The following GATD1 variants were observed in gnomAD, a reference collection of about 807,000 sequenced individuals.
GATD1 encodes glutamine amidotransferase-like class 1 domain-containing protein 1.
GATD1 carries 23 observed loss-of-function variants against 25.9 expected under a neutral mutation model. The ratio of observed to expected loss-of-function variants is 0.89; its 90% CI spans 0.64 to 1.26. The LOEUF (loss-of-function observed/expected upper bound fraction) is 1.26, where lower values mean the gene tolerates loss of function less well. Ranked by LOEUF, GATD1 falls within the 50% of genes most tolerant of loss-of-function variation. GATD1 has a pLI of 0.00. For missense variants in GATD1, 347 were observed against 312.5 expected (o/e 1.11, Z -0.83); for synonymous variants, 177 against 134.6 (o/e 1.31, Z -2.18).
chr11:767,376 G>T lies in GATD1; in HGVS notation c.*3521C>A. 6.5e-7 allele frequency: 1 copy of T among 1,535,704 alleles called. No homozygotes were observed. The highest frequency in any genetic ancestry group is 8.7e-7 in the Non-Finnish European group (1 of 1,146,656). The stretch of plus-strand genomic sequence containing the variant: ...CTGGTGCTGCCCCAAGCCCTGCCCT[G>T]GCAAAGAGAGAACTGTGCACAGCGG... On this transcript the variant is annotated 3_prime_UTR_variant, in exon 8 of 8. Coordinates refer to ENST00000319863, the MANE Select transcript of GATD1 (RefSeq NM_182612.4).
In GATD1 at chr11:771,024, C is replaced by A. The variant is rs376354172; in HGVS notation, c.625G>T (p.Val209Leu). 1 of 1,613,194 alleles carries A rather than the reference C, an allele frequency of 6.2e-7. No homozygotes were observed. Among genetic ancestry groups the A allele is most frequent in the Non-Finnish European group, 8.5e-7 (1 of 1,179,962 alleles). ...GQNASSTVPA[V>L]QNLLFLCGSR... is the part of the protein sequence containing the mutation. ...CCACAGAGGAAGAGCAGGTTCTGCA[C>A]GGCCGGGACAGTGGAGCTGGCATTC... Residue 209 changes from valine to leucine, a missense_variant, in exon 7 of 8, where the codon GTG (valine) becomes TTG (leucine). Coordinates refer to ENST00000319863, the MANE Select transcript of GATD1 (RefSeq NM_182612.4).
intron 4 of GATD1, 24 bp downstream of exon 4, chr11:773,498 C>T: frequency 1.3e-6 from 2 of 1,587,482 alleles, no homozygotes. Context: ...CCAACCCCTC[C>T]CCTGGGTCCC....
In GATD1 at chr11:769,371, A is replaced by G; in HGVS notation, c.*1526T>C. ...GAGTTTCACTCATTGCCCAGGTTGG[A>G]GTGCAATGGCGCAATCTTGGCTCAC... On this transcript the variant is annotated 3_prime_UTR_variant, in exon 8 of 8. Transcript: ENST00000319863. 2 of 885,234 alleles carry G rather than the reference A, an allele frequency of 2.3e-6. No individual in the cohort carries two copies. Among genetic ancestry groups the G allele is most frequent in the Non-Finnish European group, 2.7e-6 (2 of 738,770 alleles). The allele number at this position is 885,234 out of a possible 1,614,324, so 54.8% of individuals were successfully genotyped here.
At position 775,112 on chromosome 11, in the gene GATD1, A is replaced by C; in HGVS notation, c.95T>G (p.Phe32Cys). Residue 32 changes from phenylalanine to cysteine, a missense_variant, in exon 2 of 8, where the codon TTC becomes TGC. Phe to Cys is a radical substitution (Grantham distance 205). Transcript: ENST00000319863. ...GTTGAAGGCGGTGCTGGCCATCGTG[A>C]AACAGTGGAGGAAGGACTGGGCCGA... ...GVSAQSFLHC[F>C]TMASTAFNLQ... 2 of 1,606,088 alleles carry C rather than the reference A, an allele frequency of 1.2e-6. No homozygotes were observed. The highest frequency in any genetic ancestry group is 1.7e-6 in the Non-Finnish European group (2 of 1,177,358).
rs1590085344 is a variant in GATD1 at position 771,429 on chromosome 11, G to A, written c.451-3C>T. On this transcript the variant is annotated splice_region_variant and splice_polypyrimidine_tract_variant and intron_variant, in intron 5 of 7. Coordinates refer to ENST00000319863, the MANE Select transcript of GATD1 (RefSeq NM_182612.4). ...CTGACGAGCTCACACACAGAGGGCT[G>A]CGGGAGCGGGGTGGGGGCTCCTGAG... 2.0e-6 allele frequency: 3 copies of A among 1,525,566 alleles called. No individual in the cohort carries two copies. Among genetic ancestry groups the A allele is most frequent in the Non-Finnish European group, 2.6e-6 (3 of 1,140,634 alleles). 94.5% of individuals were successfully genotyped at this position (1,525,566 alleles called of 1,614,324 possible). A position where few individuals can be genotyped will look rare whatever the true frequency, so the allele number is the denominator to read the frequency against.
intron 6 of GATD1, 24 bp downstream of exon 6, chr11:771,309 G>A (rs752244329): frequency 5.6e-6 from 9 of 1,604,564 alleles, no homozygotes; most frequent in Non-Finnish European, 7.7e-6. Flanking sequence ...TTCTGTAAGT[G>A]CAGGGGGCAC....
chr11:772,027 G>A (rs1258193175), intron 5 of GATD1, among the ~76,000 whole-genome samples: 1 of 152,154 alleles, frequency 6.6e-6, no homozygotes, highest in Non-Finnish European at 1.5e-5. Flanking sequence ...ACAGCCTTTG[G>A]GCCTCAGATT....
At chr11:775,874 G>A (rs923033510) in intron 1 of GATD1, among the ~76,000 whole-genome samples, 3 of 152,094 alleles carry the variant, frequency 2.0e-5, no homozygotes, top group Middle Eastern at 3.4e-3. Flanking sequence ...CCTGCCTGCC[G>A]GAGAGCACTT....
rs900542161 is a variant in GATD1 at position 770,222 on chromosome 11, A to T, written c.*675T>A. 4.3e-6 allele frequency: 6 copies of T among 1,381,550 alleles called. No individual in the cohort carries two copies. The African/African-American group carries it at 7.3e-5, about 17-fold the overall frequency. 85.6% of individuals were successfully genotyped at this position (1,381,550 alleles called of 1,614,324 possible). On this transcript the variant is annotated 3_prime_UTR_variant, in exon 8 of 8. Coordinates refer to ENST00000319863, the MANE Select transcript of GATD1 (RefSeq NM_182612.4). ...ACTGTGCAAGGCCGTGGGGGACAGC[A>T]CTTTCCTATCATTGAGAATCTCATG...
chr11:770,410 C>A lies in GATD1; in HGVS notation c.*487G>T, dbSNP rs1454642018. 1 of 1,520,494 alleles carries A rather than the reference C, an allele frequency of 6.6e-7. No homozygotes were observed. Among genetic ancestry groups the A allele is most frequent in the African/African-American group, 1.4e-5 (1 of 72,428 alleles). The allele number at this position is 1,520,494 out of a possible 1,614,324, so 94.2% of individuals were successfully genotyped here. A position where few individuals can be genotyped will look rare whatever the true frequency, so the allele number is the denominator to read the frequency against. ...GGAGGCTGCTGCTCCTAAAAAATTC[C>A]GTTCACCTTTGGCCAAAGTTCTGAG... On this transcript the variant is annotated 3_prime_UTR_variant, in exon 8 of 8. Coordinates refer to ENST00000319863, the MANE Select transcript of GATD1 (RefSeq NM_182612.4).
rs150842089 is a variant in GATD1, at chr11:771,097, C to A, written c.552G>T (p.Glu184Asp). Residue 184 changes from glutamate (E) to aspartate (D), a missense_variant, in exon 7 of 8, where the codon GAG (glutamate) becomes GAT (aspartate). By Grantham distance (45) the Glu-to-Asp change is conservative. Coordinates refer to ENST00000319863, the MANE Select transcript of GATD1 (RefSeq NM_182612.4). ...CCAGCACGACGTGGACAGCGTCAGG[C>A]TCGCTTGCTGGGGAGGACCGAGGGC... ...KDSGACFSAS[E>D]PDAVHVVLDR... The A allele has an allele frequency of 6.3e-7, 1 of 1,599,168 alleles. No individual in the cohort carries two copies. The highest frequency in any genetic ancestry group is 1.1e-5 in the South Asian group (1 of 89,668).
At chr11:776,057 A>T (rs1400336082) in intron 1 of GATD1, among the ~76,000 whole-genome samples, 1 of 126,214 alleles carries the variant, frequency 7.9e-6, no homozygotes, top group Non-Finnish European at 1.6e-5. Flanking sequence ...ATCTCGGCTC[A>T]CTGCAACCTC....
Position 770,387 on chromosome 11 carries a change from A to T in GATD1, c.*510T>A. 1 of 1,529,324 alleles carries T rather than the reference A, an allele frequency of 6.5e-7. No individual in the cohort carries two copies. The highest frequency in any genetic ancestry group is 1.4e-5 in the African/African-American group (1 of 72,744). 94.7% of individuals were successfully genotyped at this position (1,529,324 alleles called of 1,614,324 possible). A position where few individuals can be genotyped will look rare whatever the true frequency, so the allele number is the denominator to read the frequency against. On this transcript the variant is annotated 3_prime_UTR_variant, in exon 8 of 8. Coordinates refer to ENST00000319863, the MANE Select transcript of GATD1 (RefSeq NM_182612.4). ...CAGTGCCGGTCGGCCTTGGGGCAGG[A>T]GGCTGCTGCTCCTAAAAAATTCCGT... is the stretch of plus-strand genomic sequence containing the variant.
intron 1 of GATD1, chr11:776,861 C>T (rs1864038363): frequency 6.6e-6 from 1 of 152,348 alleles, no homozygotes; most frequent in Non-Finnish European, 1.5e-5. Flanking sequence ...CCAGTACTGC[C>T]CTGGTACCCT....
In GATD1 at chr11:774,010, T is replaced by A. The variant is rs372519182; in HGVS notation, c.245A>T (p.Asp82Val). 1.6e-4 allele frequency: 257 copies of A among 1,613,368 alleles called. No individual in the cohort carries two copies. Among genetic ancestry groups the A allele is most frequent in the Non-Finnish European group, 1.9e-4 (230 of 1,179,942 alleles). ...YASPAKLESI[D>V]GARYHALLIP... ...CAAGGAGTGGGTCCCGGGCCTACCA[T>A]CGATGGACTCGAGCTTGGCGGGGCT... Residue 82 changes from aspartate to valine, a missense_variant and splice_region_variant, in exon 3 of 8, where the codon GAT becomes GTT. Transcript: ENST00000319863.
In GATD1 at chr11:767,450, G is replaced by A. The variant is rs1456374850; in HGVS notation, c.*3447C>T. On this transcript the variant is annotated 3_prime_UTR_variant, in exon 8 of 8. Coordinates refer to ENST00000319863, the MANE Select transcript of GATD1 (RefSeq NM_182612.4). ...TCGCACGCAGCTGAGGAATGACGCAGGGGCCTGCAGGCAGCTCACGCGGAG... is the reference window on the plus strand; with the variant it reads ...TCGCACGCAGCTGAGGAATGACGCAAGGGCCTGCAGGCAGCTCACGCGGAG... The A allele has an allele frequency of 3.4e-6, 5 of 1,470,230 alleles. No individual in the cohort carries two copies. Among genetic ancestry groups the A allele is most frequent in the Middle Eastern group, 2.0e-4 (1 of 5,064 alleles). The allele number at this position is 1,470,230 out of a possible 1,614,324, so 91.1% of individuals were successfully genotyped here.
rs1380995390 is a variant in GATD1, at chr11:770,973, G to C, written c.656+20C>G. The C allele has an allele frequency of 6.2e-7, 1 of 1,613,296 alleles. No individual in the cohort carries two copies. The highest frequency in any genetic ancestry group is 2.2e-5 in the East Asian group (1 of 44,896). On this transcript the variant is annotated intron_variant, in intron 7 of 7. Transcript: ENST00000319863. Reference sequence around the variant, plus strand: ...TGCAGCTCTGATGTGGCAGGAATGTGCCCACCCTGGTGCCCTCACCGGCTG... The same window carrying C: ...TGCAGCTCTGATGTGGCAGGAATGTCCCCACCCTGGTGCCCTCACCGGCTG...
Position 767,400 on chromosome 11 carries a change from G to A in GATD1, c.*3497C>T, listed in dbSNP as rs780306725. 140 of 1,528,948 alleles carry A rather than the reference G, an allele frequency of 9.2e-5. No individual in the cohort carries two copies. In the South Asian group the frequency reaches 1.2e-3, roughly 13 times the overall value. 94.7% of individuals were successfully genotyped at this position (1,528,948 alleles called of 1,614,324 possible). ...TGGCAAAGAGAGAACTGTGCACAGC[G>A]GGGAGGCTCTCCAAGCCAGAGGCCT... On this transcript the variant is annotated 3_prime_UTR_variant, in exon 8 of 8. Transcript: ENST00000319863.
At chr11:775,696 A>G (rs547342432) in intron 1 of GATD1, among the ~76,000 whole-genome samples, 1 of 152,028 alleles carries the variant, frequency 6.6e-6, no homozygotes, top group Admixed American at 6.5e-5. Flanking sequence ...GCTCAGAGGG[A>G]CCCTTTCCTC....
Sources: gnomAD v4.1 joint callset for allele counts (sites outside exome capture counted in the v4.1 genomes callset) on GRCh38, gnomAD v4.1.1 for gene constraint, MANE v1.5 for transcripts, NCBI Gene and HGNC (gene_info 2026-07-23, HGNC 2026-07-21) for gene names.